Variants in GNAI3 observed in about 807,000 individuals in gnomAD.
GNAI3 encodes the protein guanine nucleotide-binding protein G(i) subunit alpha-3.
GNAI3 carries 12 observed loss-of-function variants against 41.8 expected under a neutral mutation model. The observed-to-expected ratio is 0.29, with a 90% confidence interval of 0.18 to 0.47. GNAI3 has a LOEUF of 0.47. GNAI3 is among the 20% of genes least tolerant of loss of function. The pLI is 1.00. For missense variants in GNAI3, 360 were observed against 429.6 expected (o/e 0.84, Z 1.43); for synonymous variants, 132 against 146.5 (o/e 0.90, Z 0.71).
chr1:109,559,886 T>C (rs1648262761), intron 1 of GNAI3, among the ~76,000 whole-genome samples: 1 of 152,230 alleles, frequency 6.6e-6, no homozygotes, highest in African/African-American at 2.4e-5. Context: ...GATCACTGTT[T>C]AATTGTTCTA....
intron 1 of GNAI3, among the ~76,000 whole-genome samples, chr1:109,552,395 A>G (rs1194610707): frequency 6.6e-6 from 1 of 152,162 alleles, no homozygotes; most frequent in Non-Finnish European, 1.5e-5. Context: ...CATCTTTGGT[A>G]TGATTTCCTC....
intron 1 of GNAI3, among the ~76,000 whole-genome samples, chr1:109,571,101 CAT>C (rs1322508046): frequency 6.6e-6 from 1 of 152,162 alleles, no homozygotes; most frequent in Non-Finnish European, 1.5e-5. Context: ...ACGTTAGTCA[CAT>C]GTCATTTAAC....
intron 1 of GNAI3, among the ~76,000 whole-genome samples, chr1:109,566,418 T>C (rs908202285): frequency 6.6e-6 from 1 of 152,200 alleles, no homozygotes; most frequent in Non-Finnish European, 1.5e-5. Flanking sequence ...GTAGGAGACA[T>C]GTTTGTTGAA....
rs929245561 is a variant in GNAI3, at chr1:109,596,085, C to G, written c.*3763C>G. ...GATCATCATATTTTGTTGTATTGCTCCCAACAAGCACAAGAGAAAAAGGCA... is the reference window on the plus strand; with the variant it reads ...GATCATCATATTTTGTTGTATTGCTGCCAACAAGCACAAGAGAAAAAGGCA... On this transcript the variant is annotated 3_prime_UTR_variant, in exon 9 of 9. Coordinates refer to ENST00000369851, the MANE Select transcript of GNAI3 (RefSeq NM_006496.4). The G allele has an allele frequency of 6.6e-6, 1 of 152,094 alleles. No homozygotes were observed. Among genetic ancestry groups the G allele is most frequent in the African/African-American group, 2.4e-5 (1 of 41,410 alleles). The allele number at this position is 152,094 out of a possible 1,614,324, so 9.4% of individuals were successfully genotyped here.
chr1:109,574,098 A>G, intron 3 of GNAI3, 61 bp downstream of exon 3: 1 of 1,308,862 alleles, frequency 7.6e-7, no homozygotes, highest in Non-Finnish European at 1.1e-6. Flanking sequence ...TAAGTTAAGC[A>G]AAATTTTTGC....
intron 5 of GNAI3, among the ~76,000 whole-genome samples, chr1:109,585,393 G>A (rs1649009841): frequency 6.6e-6 from 1 of 152,176 alleles, no homozygotes; most frequent in Admixed American, 6.5e-5. Flanking sequence ...TAAAGTTTGT[G>A]AACAGTTGAG....
At chr1:109,577,216 TA>T (rs1242785880) in intron 3 of GNAI3, among the ~76,000 whole-genome samples, 1 of 151,746 alleles carries the variant, frequency 6.6e-6, no homozygotes, top group Non-Finnish European at 1.5e-5. Context: ...TTCATTTGTT[TA>T]AAATTTTATC....
intron 7 of GNAI3, among the ~76,000 whole-genome samples, chr1:109,588,271 A>G (rs533209777): frequency 8.6e-5 from 13 of 151,756 alleles, no homozygotes; most frequent in African/African-American, 2.9e-4. Flanking sequence ...AGTCCCAGCT[A>G]CTCGGGAGGC....
In GNAI3 at chr1:109,568,771, ACTC is replaced by A. The variant is rs563742839; in HGVS notation, c.119-4963_119-4961del. ...CAGTTGTAACTCACTGCAACCTTGAACTCCTGGGCTCAAGAGATTTTCCCAAGT... is the reference window on the plus strand; with the variant it reads ...CAGTTGTAACTCACTGCAACCTTGAACTGGGCTCAAGAGATTTTCCCAAGT... On this transcript the variant is annotated intron_variant, in intron 1 of 8. Coordinates refer to ENST00000369851, the MANE Select transcript of GNAI3 (RefSeq NM_006496.4). Among the ~76,000 whole-genome samples, 859 of 151,960 alleles carry A rather than the reference ACTC, an allele frequency of 5.7e-3. 10 individuals are homozygous for A. Among genetic ancestry groups the A allele is most frequent in the African/African-American group, 0.019 (794 of 41,438 alleles).
chr1:109,572,310 A>AAAT (rs369477506), intron 1 of GNAI3, among the ~76,000 whole-genome samples: 73 of 152,066 alleles, frequency 4.8e-4, no homozygotes, highest in African/African-American at 7.7e-4. Flanking sequence ...ACTCCATCTC[A>AAAT]AATAATAATA....
chr1:109,588,816 C>A (rs576134334), intron 7 of GNAI3, among the ~76,000 whole-genome samples: 1 of 152,234 alleles, frequency 6.6e-6, no homozygotes, highest in East Asian at 1.9e-4. Context: ...TCGCTTGAAC[C>A]CGGGAGGCGG....
At chr1:109,580,303 T>A (rs1410618351) in intron 4 of GNAI3, among the ~76,000 whole-genome samples, 2 of 152,150 alleles carry the variant, frequency 1.3e-5, no homozygotes, top group East Asian at 3.8e-4. Flanking sequence ...TGGTCCGGAA[T>A]GTATTTTTTT....
rs754615263 is a variant in GNAI3, at chr1:109,573,963, A to G, written c.229A>G (p.Thr77Ala). ...ATATAAAGTAGTTGTCTACAGCAATACTATACAGTCCATCATTGCAATCAT... is the reference window on the plus strand; with the variant it reads ...ATATAAAGTAGTTGTCTACAGCAATGCTATACAGTCCATCATTGCAATCAT... ...KQYKVVVYSN[T>A]IQSIIAIIRA... is the part of the protein sequence containing the mutation. Residue 77 changes from threonine to alanine, a missense_variant, in exon 3 of 9, where the codon ACT (threonine) becomes GCT (alanine). Transcript: ENST00000369851. 1.9e-6 allele frequency: 3 copies of G among 1,605,408 alleles called. No individual in the cohort carries two copies. In the South Asian group the frequency reaches 3.3e-5, roughly 18 times the overall value.
intron 3 of GNAI3, among the ~76,000 whole-genome samples, chr1:109,578,470 C>CAAAAA (rs35519193): frequency 2.6e-3 from 215 of 83,632 alleles, no homozygotes; most frequent in Non-Finnish European, 3.6e-3. Context: ...AACTCCGTCT[C>CAAAAA]AAAAAAAAAA....
At chr1:109,559,692 ATCAC>A (rs1648257361) in intron 1 of GNAI3, among the ~76,000 whole-genome samples, 1 of 152,208 alleles carries the variant, frequency 6.6e-6, no homozygotes, top group Non-Finnish European at 1.5e-5. Context: ...ATACAAAGAA[ATCAC>A]TCAGTATTTG....
At position 109,582,565 on chromosome 1, in the gene GNAI3, A is replaced by G. The variant is rs369731340; in HGVS notation, c.590A>G (p.Lys197Arg). 2 of 1,605,002 alleles carry G rather than the reference A, an allele frequency of 1.2e-6. No homozygotes were observed. The highest frequency in any genetic ancestry group is 8.5e-7 in the Non-Finnish European group (1 of 1,171,870). The change falls in exon 5 of 9, where the codon AAG becomes AGG. Residue 197 changes from lysine (K) to arginine (R), a missense_variant and splice_region_variant. Transcript: ENST00000369851. Reference protein sequence around the residue: ...THFTFKDLYFKMFDVGGQRSE... With the variant: ...THFTFKDLYFRMFDVGGQRSE... ...TTCACCTTCAAAGACCTATACTTCAAGTAAGTCATTAGCCTTTTTGCTAGG... is the reference window on the plus strand; with the variant it reads ...TTCACCTTCAAAGACCTATACTTCAGGTAAGTCATTAGCCTTTTTGCTAGG...
chr1:109,582,330 C>CACTTAATAACTAGTAACAGGTTTAAA, intron 4 of GNAI3, 107 bp from the exon 5 acceptor site: 1 of 746,866 alleles, frequency 1.3e-6, no homozygotes, highest in Non-Finnish European at 2.2e-6. Context: ...TCTGTTTTGC[C>CACTTAATAACTAGTAACAGGTTTAAA]ACTTAATAAC....
chr1:109,576,334 G>T (rs1407343358), intron 3 of GNAI3, among the ~76,000 whole-genome samples: 1 of 152,064 alleles, frequency 6.6e-6, no homozygotes, highest in Non-Finnish European at 1.5e-5. Context: ...CTCCCCAAGT[G>T]CTGGGATTAC....
chr1:109,585,597 G>A (rs1649016134), intron 5 of GNAI3, among the ~76,000 whole-genome samples: 1 of 151,972 alleles, frequency 6.6e-6, no homozygotes. Flanking sequence ...GTGCAAATAG[G>A]GCATTTAGAG....
Sources: gnomAD v4.1 joint callset for allele counts (sites outside exome capture counted in the v4.1 genomes callset) on GRCh38, gnomAD v4.1.1 for gene constraint, MANE v1.5 for transcripts, NCBI Gene and HGNC (gene_info 2026-07-23, HGNC 2026-07-21) for gene names.